The following GRM8 variants were observed in gnomAD, a reference collection of about 807,000 sequenced individuals.
GRM8 encodes the protein metabotropic glutamate receptor 8.
Under a neutral mutation model 87.2 loss-of-function variants are expected in GRM8, and 47 were observed. That is an observed-to-expected ratio of 0.54 (90% CI 0.43 to 0.69). The LOEUF (loss-of-function observed/expected upper bound fraction) is 0.69. Among genes scored for constraint, GRM8 ranks in the 30% least tolerant of loss-of-function variants. The probability of loss-of-function intolerance (pLI) is 0.00; values close to 1 mark genes in which losing one functional copy is unlikely to be tolerated. For synonymous variants in GRM8, 396 were observed against 404.5 expected (o/e 0.98, Z 0.25); for missense variants, 1,019 against 1,139.2 (o/e 0.89, Z 1.52).
intron 9 of GRM8, among the ~76,000 whole-genome samples, chr7:126,471,462 G>T (rs1193880427): frequency 1.3e-5 from 2 of 151,866 alleles, no homozygotes; most frequent in African/African-American, 4.8e-5. Flanking sequence ...TTTCCCCATT[G>T]CTTGTTTTTC....
In GRM8 at chr7:126,788,409, C is replaced by CAAAAAAAAAAAAAA. The variant is rs67131936; in HGVS notation, c.1157-18358_1157-18345dup. Among the ~76,000 whole-genome samples, 25 of 10,784 alleles carry CAAAAAAAAAAAAAA rather than the reference C, an allele frequency of 2.3e-3. 3 individuals are homozygous for CAAAAAAAAAAAAAA. The highest frequency in any genetic ancestry group is 3.4e-3 in the Non-Finnish European group (17 of 5,066). 7.1% of individuals were successfully genotyped at this position (10,784 alleles called of 152,430 possible). ...TGGGTATCAGAGCAAGACTCCATCT[C>CAAAAAAAAAAAAAA]AAAAAAAAAAAAAACCCTTTCAGAT... On this transcript the variant is annotated intron_variant, in intron 6 of 10. Transcript: ENST00000339582.
chr7:126,775,625 T>C (rs1295799245), intron 6 of GRM8, among the ~76,000 whole-genome samples: 1 of 151,292 alleles, frequency 6.6e-6, no homozygotes, highest in Non-Finnish European at 1.5e-5. Context: ...CACATGAAAG[T>C]GTGCACCTCC....
chr7:126,687,334 GA>G (rs1300190037), intron 7 of GRM8, among the ~76,000 whole-genome samples: 1 of 152,128 alleles, frequency 6.6e-6, no homozygotes, highest in African/African-American at 2.4e-5. Context: ...TTACATAAAA[GA>G]AATCACTTTA....
chr7:126,608,674 A>T (rs1157384367), intron 8 of GRM8, among the ~76,000 whole-genome samples: 3 of 152,168 alleles, frequency 2.0e-5, no homozygotes, highest in Non-Finnish European at 4.4e-5. Context: ...TGAAAGAGGC[A>T]ATATAAACAC....
intron 8 of GRM8, among the ~76,000 whole-genome samples, chr7:126,545,704 A>C (rs9641796): frequency 0.36 from 54,549 of 151,642 alleles, 9,903 homozygotes; most frequent in East Asian, 0.43. Context: ...AGTACTTTAT[A>C]ATAACTAAAT....
intron 6 of GRM8, among the ~76,000 whole-genome samples, chr7:126,812,026 T>C (rs1202278015): frequency 6.6e-6 from 1 of 151,874 alleles, no homozygotes; most frequent in African/African-American, 2.4e-5. Context: ...ATAGGTACAA[T>C]ATGCATTATT....
At chr7:126,692,702 G>GA (rs925586390) in intron 7 of GRM8, among the ~76,000 whole-genome samples, 5 of 150,268 alleles carry the variant, frequency 3.3e-5, no homozygotes, top group South Asian at 2.1e-4. Flanking sequence ...GTTCTGACTG[G>GA]AAAAAAAAAT....
At chr7:126,869,705 G>A (rs1798917173) in intron 6 of GRM8, 1 of 152,022 alleles carries the variant, frequency 6.6e-6, no homozygotes, top group Non-Finnish European at 1.5e-5. Context: ...GGCTTAAAGT[G>A]TTTAGTAAAC....
At chr7:126,735,524 A>G (rs1814107996) in intron 7 of GRM8, among the ~76,000 whole-genome samples, 1 of 152,136 alleles carries the variant, frequency 6.6e-6, no homozygotes, top group Non-Finnish European at 1.5e-5. Flanking sequence ...GAGAGTAGCT[A>G]TCAAGAATCT....
At chr7:126,538,665 C>T (rs1451493321) in intron 8 of GRM8, among the ~76,000 whole-genome samples, 2 of 151,940 alleles carry the variant, frequency 1.3e-5, no homozygotes, top group African/African-American at 2.4e-5. Flanking sequence ...ACTAGTTTGA[C>T]ACCTCGATAT....
chr7:126,452,440 A>AAT (rs1019207574), intron 9 of GRM8, among the ~76,000 whole-genome samples: 5 of 151,644 alleles, frequency 3.3e-5, no homozygotes, highest in Admixed American at 6.6e-5. Context: ...TAATAAAAAA[A>AAT]AAAAAGGAAA....
intron 2 of GRM8, among the ~76,000 whole-genome samples, chr7:127,171,296 C>T (rs986678753): frequency 6.6e-6 from 1 of 152,132 alleles, no homozygotes; most frequent in Non-Finnish European, 1.5e-5. Context: ...ATACTGTGAT[C>T]ATTATTGAAA....
chr7:126,584,752 G>A (rs1795936102), intron 8 of GRM8, among the ~76,000 whole-genome samples: 1 of 151,878 alleles, frequency 6.6e-6, no homozygotes, highest in Admixed American at 6.6e-5. Flanking sequence ...GCTTAGGCCT[G>A]TTTTAGTCTA....
chr7:127,090,708 C>T (rs1324694508), intron 3 of GRM8, among the ~76,000 whole-genome samples: 4 of 140,358 alleles, frequency 2.8e-5, no homozygotes, highest in East Asian at 4.1e-4. Flanking sequence ...ATGTGCCCTC[C>T]GGTTGCGGCA....
chr7:126,951,747 T>C (rs543537962), intron 3 of GRM8, among the ~76,000 whole-genome samples: 1 of 152,148 alleles, frequency 6.6e-6, no homozygotes, highest in African/African-American at 2.4e-5. Flanking sequence ...TTTCTCACTA[T>C]TTGAGAAATA....
At chr7:126,684,373 G>A (rs1325568649) in intron 7 of GRM8, among the ~76,000 whole-genome samples, 1 of 152,134 alleles carries the variant, frequency 6.6e-6, no homozygotes, top group African/African-American at 2.4e-5. Context: ...TTTGTAACAG[G>A]ACTCTCTGGA....
chr7:126,446,484 A>C (rs1357414143), intron 9 of GRM8, 112 bp from the exon 10 acceptor site: 11 of 677,766 alleles, frequency 1.6e-5, no homozygotes, highest in Non-Finnish European at 2.7e-5. Context: ...AAGGCACATT[A>C]AAAGGCACTT....
chr7:126,748,075 T>A (rs1254898479), intron 7 of GRM8, among the ~76,000 whole-genome samples: 1 of 152,092 alleles, frequency 6.6e-6, no homozygotes, highest in Non-Finnish European at 1.5e-5. Context: ...ATGTAATTAT[T>A]TCTGTCTATG....
chr7:127,012,406 G>A (rs1190185864), intron 3 of GRM8, among the ~76,000 whole-genome samples: 1 of 151,974 alleles, frequency 6.6e-6, no homozygotes, highest in Non-Finnish European at 1.5e-5. Context: ...TAATTCCTAG[G>A]ATTTCAGTAT....
Sources: allele counts gnomAD v4.1 joint callset (sites outside exome capture counted in the v4.1 genomes callset), GRCh38; gene constraint gnomAD v4.1.1; transcripts MANE v1.5; gene names NCBI Gene and HGNC (gene_info 2026-07-23, HGNC 2026-07-21).